CFDP1: variants seen among roughly 807,000 people sequenced by gnomAD.
The protein encoded by CFDP1 is heterochromatin-stabilizing protein CFDP1.
In CFDP1, 31 loss-of-function variants were observed where a neutral mutation model predicts 40.1. That is an observed-to-expected ratio of 0.77 (90% CI 0.58 to 1.04). The LOEUF (loss-of-function observed/expected upper bound fraction) is 1.04. Among genes scored for constraint, CFDP1 ranks in the 50% least tolerant of loss-of-function variants. The probability of loss-of-function intolerance (pLI) is 0.00; values close to 1 mark genes in which losing one functional copy is unlikely to be tolerated. For synonymous variants in CFDP1, 167 were observed against 120.0 expected, an observed-to-expected ratio of 1.39 and a Z score of -2.56; for missense variants, 423 against 343.4, an observed-to-expected ratio of 1.23 and a Z score of -1.83.
chr16:75,403,026 ATTTC>A (rs1197437375), intron 4 of CFDP1, among the ~76,000 whole-genome samples: 7 of 152,110 alleles, frequency 4.6e-5, no homozygotes, highest in Non-Finnish European at 8.8e-5. Context: ...TTCCATACTC[ATTTC>A]TTTGTTTTGT....
chr16:75,429,748 A>C (rs2079387444), intron 1 of CFDP1, among the ~76,000 whole-genome samples: 4 of 152,248 alleles, frequency 2.6e-5, no homozygotes. Flanking sequence ...GATTAAAGTG[A>C]AAATCTAATG....
intron 5 of CFDP1, among the ~76,000 whole-genome samples, chr16:75,321,217 G>A (rs558346204): frequency 2.6e-5 from 4 of 152,208 alleles, no homozygotes; most frequent in South Asian, 2.1e-4. Context: ...CTCCTACCTC[G>A]GCATTCCAAA....
chr16:75,421,263 T>A (rs533552072), intron 1 of CFDP1, among the ~76,000 whole-genome samples: 9 of 152,284 alleles, frequency 5.9e-5, no homozygotes, highest in Non-Finnish European at 1.3e-4. Context: ...TTTTCCCTTT[T>A]CACCCAATAA....
chr16:75,350,011 T>C (rs1263864464), intron 5 of CFDP1, among the ~76,000 whole-genome samples: 3 of 151,946 alleles, frequency 2.0e-5, no homozygotes, highest in African/African-American at 2.4e-5. Flanking sequence ...ACATTAGTGG[T>C]GGGTTTTTCA....
chr16:75,424,361 G>A (rs764688445), intron 1 of CFDP1, among the ~76,000 whole-genome samples: 1 of 152,146 alleles, frequency 6.6e-6, no homozygotes, highest in African/African-American at 2.4e-5. Flanking sequence ...ATGCTAAAGG[G>A]TTTAAACGGC....
At chr16:75,300,014 G>T (rs1036829263) in intron 6 of CFDP1, among the ~76,000 whole-genome samples, 5 of 152,096 alleles carry the variant, frequency 3.3e-5, no homozygotes, top group Non-Finnish European at 7.4e-5. Context: ...CTCGGGGAGG[G>T]CCTGGTTAAC....
chr16:75,351,932 C>A (rs1368502337), intron 5 of CFDP1, among the ~76,000 whole-genome samples: 1 of 140,822 alleles, frequency 7.1e-6, no homozygotes, highest in African/African-American at 2.7e-5. Context: ...CACTTGAACC[C>A]GGGAGGTAGA....
At chr16:75,298,748 T>A (rs12447173) in intron 6 of CFDP1, among the ~76,000 whole-genome samples, 2,007 of 152,320 alleles carry the variant, frequency 0.013, 102 homozygotes, top group Admixed American at 0.094. Context: ...AGGGTTAGAC[T>A]GGAAGGGCAG....
intron 5 of CFDP1, among the ~76,000 whole-genome samples, chr16:75,314,779 T>C (rs936410437): frequency 6.6e-6 from 1 of 152,196 alleles, no homozygotes; most frequent in African/African-American, 2.4e-5. Flanking sequence ...TGAGACCAAG[T>C]CTCGCTCTGT....
chr16:75,332,257 G>A (rs905041155), intron 5 of CFDP1, among the ~76,000 whole-genome samples: 1 of 152,104 alleles, frequency 6.6e-6, no homozygotes, highest in Admixed American at 6.6e-5. Context: ...CTGAGGTCAG[G>A]AGTTCGAGAC....
chr16:75,355,014 A>G (rs989210963), intron 5 of CFDP1, among the ~76,000 whole-genome samples: 4 of 152,236 alleles, frequency 2.6e-5, no homozygotes, highest in African/African-American at 4.8e-5. Context: ...TTCCTAGTGT[A>G]TATGTAAGTT....
chr16:75,302,493 C>T (rs2078227775), intron 6 of CFDP1, among the ~76,000 whole-genome samples: 1 of 152,206 alleles, frequency 6.6e-6, no homozygotes, highest in Non-Finnish European at 1.5e-5. Flanking sequence ...TCAAGCAGTC[C>T]TCCTGCCTTG....
intron 5 of CFDP1, among the ~76,000 whole-genome samples, chr16:75,384,218 A>G (rs1247148317): frequency 6.6e-6 from 1 of 152,034 alleles, no homozygotes; most frequent in Non-Finnish European, 1.5e-5. Context: ...TTAGCCAGGC[A>G]TGGTGGCACA....
intron 5 of CFDP1, among the ~76,000 whole-genome samples, chr16:75,319,074 A>G: frequency 6.6e-6 from 1 of 152,148 alleles, no homozygotes; most frequent in East Asian, 1.9e-4. Context: ...TTTGAGATGA[A>G]GTTTCTGTTG....
At chr16:75,385,504 A>G (rs2151553651) in intron 5 of CFDP1, among the ~76,000 whole-genome samples, 1 of 152,028 alleles carries the variant, frequency 6.6e-6, no homozygotes, top group South Asian at 2.1e-4. Flanking sequence ...GAAAGAAGAA[A>G]AATCATTTCT....
intron 1 of CFDP1, 131 bp downstream of exon 1, chr16:75,433,158 G>A (rs1226762729): frequency 1.3e-6 from 1 of 797,418 alleles, no homozygotes. Context: ...GCCTGAGGGA[G>A]CGGACGCTCG....
intron 1 of CFDP1, among the ~76,000 whole-genome samples, chr16:75,416,508 C>G (rs2079207341): frequency 6.7e-6 from 1 of 149,942 alleles, no homozygotes; most frequent in African/African-American, 2.4e-5. Context: ...CGCCTATAAT[C>G]TCAGCCCTTT....
intron 5 of CFDP1, among the ~76,000 whole-genome samples, chr16:75,375,804 A>AC (rs1431319888): frequency 6.6e-6 from 1 of 151,634 alleles, no homozygotes; most frequent in Non-Finnish European, 1.5e-5. Flanking sequence ...AAAAAAAAAA[A>AC]AGACTGACAA....
intron 5 of CFDP1, among the ~76,000 whole-genome samples, chr16:75,313,350 G>A (rs1470009019): frequency 6.6e-6 from 1 of 151,642 alleles, no homozygotes; most frequent in Non-Finnish European, 1.5e-5. Flanking sequence ...TTGTTTTTTT[G>A]ACAGGGTCTC....
Sources: gnomAD v4.1 joint callset for allele counts (sites outside exome capture counted in the v4.1 genomes callset) on GRCh38, gnomAD v4.1.1 for gene constraint, MANE v1.5 for transcripts, NCBI Gene and HGNC (gene_info 2026-07-23, HGNC 2026-07-21) for gene names.